FKBP5: variants seen among roughly 807,000 people sequenced by gnomAD.
FKBP5 encodes the protein FKBP prolyl isomerase 5.
A neutral mutation model predicts 50.5 loss-of-function variants in FKBP5; 23 were observed. The observed-to-expected ratio is 0.46, with a 90% CI of 0.33 to 0.65. The LOEUF is 0.65. Among genes scored for constraint, FKBP5 ranks in the 30% least tolerant of loss-of-function variants. The pLI is 0.02. For missense variants in FKBP5, 411 were observed against 553.1 expected (o/e 0.74, Z 2.58); for synonymous variants, 176 against 190.6 (o/e 0.92, Z 0.63).
Position 35,591,166 on chromosome 6 carries a change from C to T in FKBP5, c.720G>A (p.Glu240=). The part of the protein sequence containing the change: ...KPKFGIEPNA[E]LIYEVTLKSF... ...TCTTAAGTGTAACTTCATATATAAG[C>T]TCAGCATTAGGTTCAATGCCAAATT... is the stretch of plus-strand genomic sequence containing the variant. The change falls in exon 7 of 11, where the codon GAG becomes GAA. Residue 240 remains glutamate, a synonymous_variant. Coordinates refer to ENST00000357266, the MANE Select transcript of FKBP5 (RefSeq NM_004117.4). The T allele has an allele frequency of 6.2e-7, 1 of 1,613,170 alleles. No individual in the cohort carries two copies. The highest frequency in any genetic ancestry group is 1.7e-5 in the Admixed American group (1 of 59,928).
intron 5 of FKBP5, among the ~76,000 whole-genome samples, chr6:35,616,419 G>C (rs956514712): frequency 6.7e-6 from 1 of 149,978 alleles, no homozygotes; most frequent in African/African-American, 2.5e-5. Context: ...ATTCAAATAA[G>C]ATCTGGAAAA....
chr6:35,702,674 G>A (rs985136582), intron 2 of FKBP5, among the ~76,000 whole-genome samples: 5 of 151,728 alleles, frequency 3.3e-5, no homozygotes, highest in Non-Finnish European at 2.9e-5. Context: ...GGATGGTCTC[G>A]ATCTCCTGAC....
At chr6:35,582,355 A>C in intron 8 of FKBP5, 1 of 923,002 alleles carries the variant, frequency 1.1e-6, no homozygotes, top group Non-Finnish European at 1.3e-6. Flanking sequence ...CCTCACCCCG[A>C]ATGTGATATT....
intron 9 of FKBP5, among the ~76,000 whole-genome samples, chr6:35,579,094 C>T (rs1762330910): frequency 6.6e-6 from 1 of 151,470 alleles, no homozygotes; most frequent in South Asian, 2.1e-4. Flanking sequence ...GCCACCGCAC[C>T]CCAGCCTGGG....
chr6:35,688,184 CG>C (rs1437055525), intron 1 of FKBP5, among the ~76,000 whole-genome samples: 1 of 152,346 alleles, frequency 6.6e-6, no homozygotes, highest in East Asian at 1.9e-4. Flanking sequence ...CAGGTGAAGG[CG>C]GGGACCGCCC....
chr6:35,654,039 T>C (rs1413593177), intron 1 of FKBP5, among the ~76,000 whole-genome samples: 2 of 152,228 alleles, frequency 1.3e-5, no homozygotes, highest in Non-Finnish European at 2.9e-5. Flanking sequence ...ACATCTGGGT[T>C]CCATCCCCAA....
At position 35,584,313 on chromosome 6, in the gene FKBP5, G is replaced by A. The variant is rs1477352658; in HGVS notation, c.840+2721C>T. The stretch of plus-strand genomic sequence containing the variant: ...GCAAAATCATTCCCACTTAAAAGCT[G>A]AGTACAATTCAATCCTACTCAGGAG... On this transcript the variant is annotated intron_variant, in intron 8 of 10. Transcript: ENST00000357266. 8.1e-6 allele frequency: 8 copies of A among 985,280 alleles called. No individual in the cohort carries two copies. In the Admixed American group the frequency reaches 4.9e-4, roughly 61 times the overall value. 61.0% of individuals were successfully genotyped at this position (985,280 alleles called of 1,614,324 possible).
At chr6:35,640,356 C>A (rs1764448155) in intron 2 of FKBP5, among the ~76,000 whole-genome samples, 1 of 151,840 alleles carries the variant, frequency 6.6e-6, no homozygotes, top group Non-Finnish European at 1.5e-5. Flanking sequence ...AAGCATATCT[C>A]AACATAGAAA....
At chr6:35,691,007 A>C (rs1247542320), upstream of FKBP5, among the ~76,000 whole-genome samples, 1 of 151,780 alleles carries the variant, frequency 6.6e-6, no homozygotes, top group Non-Finnish European at 1.5e-5. Flanking sequence ...ACTCCATCTC[A>C]AAAAAAATAA....
intron 1 of FKBP5, among the ~76,000 whole-genome samples, chr6:35,728,129 A>G (rs1435394761): frequency 6.6e-6 from 1 of 152,088 alleles, no homozygotes; most frequent in Non-Finnish European, 1.5e-5. Flanking sequence ...CAATGTCCCG[A>G]GCGGGCGGGC....
rs963516255 is a variant in FKBP5 at position 35,713,033 on chromosome 6, C to T, written c.-20+7295G>A. Reference sequence around the variant, plus strand: ...TTAAGGCTGCAGTGAGCCGTGATCACGCTACTGCACTCCAGCCCAGGCGAC... The same window carrying T: ...TTAAGGCTGCAGTGAGCCGTGATCATGCTACTGCACTCCAGCCCAGGCGAC... On this transcript the variant is annotated intron_variant, in intron 2 of 11. Coordinates refer to the FKBP5 transcript ENST00000536438. 3.1e-5 allele frequency among the ~76,000 whole-genome samples: 4 copies of T among 130,670 alleles called. No homozygotes were observed. In the East Asian group the frequency reaches 9.4e-4, roughly 31 times the overall value. 85.7% of individuals were successfully genotyped at this position (130,670 alleles called of 152,430 possible). A position where few individuals can be genotyped will look rare whatever the true frequency, so the allele number is the denominator to read the frequency against.
intron 1 of FKBP5, among the ~76,000 whole-genome samples, chr6:35,665,795 T>C (rs1298644191): frequency 6.6e-6 from 1 of 152,182 alleles, no homozygotes; most frequent in Admixed American, 6.5e-5. Flanking sequence ...TTCAACTTTA[T>C]GATGGTGAGA....
intron 1 of FKBP5, among the ~76,000 whole-genome samples, chr6:35,658,332 C>T (rs1325141124): frequency 3.3e-5 from 5 of 151,318 alleles, no homozygotes; most frequent in East Asian, 1.9e-4. Flanking sequence ...GCCGAGTTTG[C>T]GCCACTGCAC....
intron 1 of FKBP5, among the ~76,000 whole-genome samples, chr6:35,683,115 CGTATATGTGTGTGTGTGTGTGTGTGT>C: frequency 1.8e-5 from 1 of 56,236 alleles, no homozygotes; most frequent in South Asian, 6.9e-4. Context: ...TATATATATA[CGTATATGTGTGTGTGTGTGTGTGTGT>C]GTGTGTGTGT....
chr6:35,725,329 A>G (rs1033693380), intron 1 of FKBP5, among the ~76,000 whole-genome samples: 6 of 152,104 alleles, frequency 3.9e-5, no homozygotes, highest in Non-Finnish European at 5.9e-5. Flanking sequence ...GAGCTCTTGG[A>G]GGCAACTTAC....
At chr6:35,647,979 G>A (rs773744590) in intron 1 of FKBP5, among the ~76,000 whole-genome samples, 10 of 152,086 alleles carry the variant, frequency 6.6e-5, no homozygotes, top group African/African-American at 2.4e-4. Flanking sequence ...ATAGACTTCG[G>A]ACATTTTGGT....
intron 1 of FKBP5, among the ~76,000 whole-genome samples, chr6:35,688,379 C>A (rs920711985): frequency 1.3e-5 from 2 of 152,086 alleles, no homozygotes; most frequent in Admixed American, 6.5e-5. Flanking sequence ...AGGGTCCGGC[C>A]GCCTGTCCGG....
chr6:35,610,113 C>T (rs761996738), intron 5 of FKBP5, among the ~76,000 whole-genome samples: 17 of 151,932 alleles, frequency 1.1e-4, no homozygotes, highest in Non-Finnish European at 2.1e-4. Flanking sequence ...GGGCTGATTG[C>T]GGGGATCTAA....
intron 1 of FKBP5, among the ~76,000 whole-genome samples, chr6:35,665,308 T>TA (rs71002585): frequency 4.6e-5 from 7 of 150,968 alleles, no homozygotes; most frequent in East Asian, 3.9e-4. Flanking sequence ...TTTTTTTTTT[T>TA]AGAGGAGTCT....
Sources: allele counts gnomAD v4.1 joint callset (sites outside exome capture counted in the v4.1 genomes callset), GRCh38; gene constraint gnomAD v4.1.1; transcripts MANE v1.5; gene names NCBI Gene and HGNC (gene_info 2026-07-23, HGNC 2026-07-21).